MAPK8: variants seen among roughly 807,000 people sequenced by gnomAD.
The protein encoded by MAPK8 is mitogen-activated protein kinase 8, also known as JUN N-terminal kinase.
Under a neutral mutation model 52.9 loss-of-function variants are expected in MAPK8, and 13 were observed. The ratio of observed to expected loss-of-function variants is 0.25; its 90% confidence interval spans 0.16 to 0.39. The LOEUF (loss-of-function observed/expected upper bound fraction) is 0.39, where lower values mean the gene tolerates loss of function less well. Ranked by LOEUF, MAPK8 falls within the 10% of genes least tolerant of loss-of-function variation. MAPK8 has a pLI of 1.00. For synonymous variants in MAPK8, 191 were observed against 169.8 expected, an observed-to-expected ratio of 1.12 and a Z score of -0.97; for missense variants, 300 against 519.2, an observed-to-expected ratio of 0.58 and a Z score of 4.10.
At position 48,373,571 on chromosome 10, in the gene MAPK8, CAAAAAAAAAA is replaced by C. The variant is rs539162576; in HGVS notation, c.-49-28023_-49-28014del. ...GAAGATTTACCAAGTAAATTGAAAG[CAAAAAAAAAA>C]AAAAAAAAAAAAAAAAAGCCAGGGT... On this transcript the variant is annotated intron_variant, in intron 1 of 11. Transcript: ENST00000374189. Among the ~76,000 whole-genome samples the C allele has an allele frequency of 8.9e-3, 150 of 16,844 alleles. 1 individual carries two copies. The highest frequency in any genetic ancestry group is 0.022 in the African/African-American group (139 of 6,372). The allele number at this position is 16,844 out of a possible 152,430, so 11.1% of individuals were successfully genotyped here. A position where few individuals can be genotyped will look rare whatever the true frequency, so the allele number is the denominator to read the frequency against.
At chr10:48,414,620 A>C (rs2042963805) in intron 5 of MAPK8, among the ~76,000 whole-genome samples, 1 of 134,268 alleles carries the variant, frequency 7.4e-6, no homozygotes. Flanking sequence ...TCTGTCACCC[A>C]GGCATGAGTG....
chr10:48,386,863 G>A (rs1404783007), intron 1 of MAPK8, among the ~76,000 whole-genome samples: 17 of 152,206 alleles, frequency 1.1e-4, no homozygotes, highest in Admixed American at 1.0e-3. Flanking sequence ...GGATATGGCT[G>A]TAAAGTCTTG....
intron 1 of MAPK8, among the ~76,000 whole-genome samples, chr10:48,397,622 A>T (rs1457400005): frequency 6.6e-6 from 1 of 152,118 alleles, no homozygotes; most frequent in East Asian, 1.9e-4. Context: ...ACAGAGTCTC[A>T]TTCTGTCACC....
chr10:48,419,855 A>T (rs1334615236), intron 5 of MAPK8, among the ~76,000 whole-genome samples: 3 of 152,166 alleles, frequency 2.0e-5, no homozygotes, highest in Non-Finnish European at 4.4e-5. Context: ...TTTTTATGTG[A>T]GCTTTGCGAT....
chr10:48,365,175 C>T (rs1847915604), intron 1 of MAPK8, among the ~76,000 whole-genome samples: 2 of 152,174 alleles, frequency 1.3e-5, no homozygotes, highest in South Asian at 4.2e-4. Flanking sequence ...TGCAGCTAAG[C>T]CGTGTAAAAC....
intron 1 of MAPK8, among the ~76,000 whole-genome samples, chr10:48,392,571 C>G (rs1281275164): frequency 2.0e-5 from 3 of 151,918 alleles, no homozygotes; most frequent in Admixed American, 6.6e-5. Context: ...TCCGTATGGC[C>G]ACACATGTGC....
rs114970659 is a variant in MAPK8, at chr10:48,416,476, C to G, written c.451-3679C>G. 1.7e-3 allele frequency among the ~76,000 whole-genome samples: 256 copies of G among 152,326 alleles called. 1 individual carries two copies. Among genetic ancestry groups the G allele is most frequent in the African/African-American group, 5.9e-3 (244 of 41,576 alleles). On this transcript the variant is annotated intron_variant, in intron 5 of 11. Coordinates refer to ENST00000374189, the MANE Select transcript of MAPK8 (RefSeq NM_001323329.2). ...TGGCTGGCAAACATTCCTTTGCTCC[C>G]TTTATTCCACACCTTCTTAAGGGAA... is the stretch of plus-strand genomic sequence containing the variant.
At chr10:48,357,369 A>C (rs1761729690) in intron 1 of MAPK8, among the ~76,000 whole-genome samples, 1 of 152,176 alleles carries the variant, frequency 6.6e-6, no homozygotes. Context: ...ATAATCAGTG[A>C]TAAGTGAACA....
intron 1 of MAPK8, among the ~76,000 whole-genome samples, chr10:48,386,179 T>C (rs2041299839): frequency 6.6e-6 from 1 of 152,160 alleles, no homozygotes; most frequent in Admixed American, 6.6e-5. Flanking sequence ...AGTGAAAGAT[T>C]TGGCAAAAGT....
intron 1 of MAPK8, among the ~76,000 whole-genome samples, chr10:48,359,897 G>T (rs901025185): frequency 6.6e-6 from 1 of 152,184 alleles, no homozygotes; most frequent in African/African-American, 2.4e-5. Context: ...AGGATTGATC[G>T]GTTCAGCTAC....
intron 5 of MAPK8, among the ~76,000 whole-genome samples, chr10:48,415,092 T>C (rs2042991920): frequency 6.6e-6 from 1 of 152,210 alleles, no homozygotes; most frequent in African/African-American, 2.4e-5. Flanking sequence ...GAATTCCTTG[T>C]ATATTACATA....
rs756498386 is a variant in MAPK8, at chr10:48,431,250, G to A, written c.1118G>A (p.Arg373Gln). 1.7e-5 allele frequency: 27 copies of A among 1,611,078 alleles called. No individual in the cohort carries two copies. The highest frequency in any genetic ancestry group is 3.3e-5 in the South Asian group (3 of 90,970). Residue 373 changes from arginine to glutamine, a missense_variant, in exon 11 of 12, where the codon CGG becomes CAG. Around this residue, in one of 3 missense-constraint regions of MAPK8, gnomAD observed 119 missense variants for 154.4 expected, o/e 0.77. Transcript: ENST00000374189. ...LEERTKNGVI[R>Q]GQPSPLGAAV... ...GAGAGAACCAAGAATGGAGTTATAC[G>A]GGGGCAGCCCTCTCCTTTAGGTTGG...
At chr10:48,398,461 ATG>A (rs796816879) in intron 1 of MAPK8, among the ~76,000 whole-genome samples, 1 of 152,260 alleles carries the variant, frequency 6.6e-6, no homozygotes, top group South Asian at 2.1e-4. Context: ...AATCCGAAGA[ATG>A]TGGAACAACT....
At chr10:48,351,665 C>T (rs561910226) in intron 1 of MAPK8, among the ~76,000 whole-genome samples, 2 of 151,860 alleles carry the variant, frequency 1.3e-5, no homozygotes, top group East Asian at 1.9e-4. Context: ...AATACAGTAA[C>T]CAAAATAAAA....
At chr10:48,350,159 A>G (rs1345801909) in intron 1 of MAPK8, among the ~76,000 whole-genome samples, 1 of 152,200 alleles carries the variant, frequency 6.6e-6, no homozygotes, top group Non-Finnish European at 1.5e-5. Context: ...CCAGGACCAG[A>G]CGGATTCACA....
chr10:48,401,861 C>A, intron 2 of MAPK8, 79 bp downstream of exon 2: 1 of 1,155,762 alleles, frequency 8.7e-7, no homozygotes, highest in Non-Finnish European at 1.2e-6. Flanking sequence ...GATACCTTGG[C>A]AAATATTTAA....
chr10:48,402,868 C>T (rs1014910336), intron 2 of MAPK8, among the ~76,000 whole-genome samples: 5 of 152,260 alleles, frequency 3.3e-5, no homozygotes, highest in Non-Finnish European at 7.4e-5. Flanking sequence ...AATTGTGATA[C>T]AGTCATGCTG....
chr10:48,369,055 G>A (rs1848319538), intron 1 of MAPK8, among the ~76,000 whole-genome samples: 1 of 152,160 alleles, frequency 6.6e-6, no homozygotes, highest in African/African-American at 2.4e-5. Context: ...CATAAACATG[G>A]TGCTTCAAAG....
intron 1 of MAPK8, among the ~76,000 whole-genome samples, chr10:48,379,939 A>AAG (rs1491394042): frequency 1.2e-4 from 2 of 16,574 alleles, no homozygotes; most frequent in Non-Finnish European, 3.3e-4. Flanking sequence ...CAAAGCTCTT[A>AAG]AAAAAAAAAA....
Sources: allele counts gnomAD v4.1 joint callset (sites outside exome capture counted in the v4.1 genomes callset), GRCh38; gene constraint gnomAD v4.1.1; regional missense constraint gnomAD v4.1.1; transcripts MANE v1.5; gene names NCBI Gene and HGNC (gene_info 2026-07-23, HGNC 2026-07-21).